The following SLC14A2 variants were observed in gnomAD, a reference collection of about 807,000 sequenced individuals.
SLC14A2 encodes solute carrier family 14 member 2.
In SLC14A2, 91 loss-of-function variants were observed where a neutral mutation model predicts 104.6. The observed-to-expected ratio is 0.87, with a 90% CI of 0.73 to 1.04. The LOEUF (loss-of-function observed/expected upper bound fraction) is 1.04. Among genes scored for constraint, SLC14A2 ranks in the 50% least tolerant of loss-of-function variants. SLC14A2 has a pLI of 0.00. For missense variants in SLC14A2, 1,189 were observed against 1,156.0 expected, an observed-to-expected ratio of 1.03 and a Z score of -0.41; for synonymous variants, 476 against 466.4, an observed-to-expected ratio of 1.02 and a Z score of -0.27.
the SLC14A2 span, among the ~76,000 whole-genome samples, chr18:45,193,625 A>G: frequency 4.0e-3 from 608 of 152,294 alleles, 3 homozygotes; most frequent in African/African-American, 0.014. Context: ...GCTTTATAAT[A>G]TACCTTGAAA....
At position 45,554,322 on chromosome 18, in the gene SLC14A2, A is replaced by G. The variant is rs372523669; in HGVS notation, c.-34-70309A>G. 5.3e-5 allele frequency among the ~76,000 whole-genome samples: 8 copies of G among 152,354 alleles called. No individual in the cohort carries two copies. In the East Asian group the frequency reaches 7.7e-4, roughly 15 times the overall value. ...GGAAGAAGGGGGAAAGCAACCGATC[A>G]ATTTACAAAGATCCTGTTTCTCTGC... On this transcript the variant is annotated intron_variant, in intron 2 of 20. Transcript: ENST00000586448.
intron 1 of SLC14A2, among the ~76,000 whole-genome samples, chr18:45,324,205 C>T (rs2085212252): frequency 6.6e-6 from 1 of 152,114 alleles, no homozygotes; most frequent in East Asian, 1.9e-4. Flanking sequence ...TGTTAAGGAT[C>T]CTCAGTAGTG....
At chr18:45,518,110 T>A (rs1316023033) in intron 2 of SLC14A2, among the ~76,000 whole-genome samples, 1 of 152,182 alleles carries the variant, frequency 6.6e-6, no homozygotes, top group Non-Finnish European at 1.5e-5. Context: ...AGGATATATA[T>A]TTCCCAATTG....
chr18:45,328,446 T>C lies in SLC14A2; in HGVS notation c.-125+115255T>C, dbSNP rs1253021118. Among the ~76,000 whole-genome samples the C allele has an allele frequency of 2.0e-5, 3 of 152,190 alleles. No homozygotes were observed. In the East Asian group the frequency reaches 5.8e-4, roughly 29 times the overall value. On this transcript the variant is annotated intron_variant, in intron 1 of 20. Transcript: ENST00000586448. ...TGTCACAGCATTTTCAGGGTTTCAGTTGCACTGAGGTTATGCCCTGAGACA... is the reference window on the plus strand; with the variant it reads ...TGTCACAGCATTTTCAGGGTTTCAGCTGCACTGAGGTTATGCCCTGAGACA...
At position 45,526,305 on chromosome 18, in the gene SLC14A2, G is replaced by A. The variant is rs755023562; in HGVS notation, c.-35+42983G>A. Among the ~76,000 whole-genome samples, 133 of 152,224 alleles carry A rather than the reference G, an allele frequency of 8.7e-4. 1 individual carries two copies. Among genetic ancestry groups the A allele is most frequent in the Middle Eastern group, 3.4e-3 (1 of 294 alleles). On this transcript the variant is annotated intron_variant, in intron 2 of 20. Coordinates refer to the SLC14A2 transcript ENST00000586448. ...GATCTGAGAGAACCTTGTGTGATAC[G>A]GCCAGAAGTCACTGTCAGGATGCCT... is the stretch of plus-strand genomic sequence containing the variant.
chr18:45,190,646 T>C, the SLC14A2 span, among the ~76,000 whole-genome samples: 1,400 of 152,288 alleles, frequency 9.2e-3, 31 homozygotes, highest in African/African-American at 0.032. Flanking sequence ...AGTGATTCAG[T>C]TCAGTGAGAA....
intron 2 of SLC14A2, among the ~76,000 whole-genome samples, chr18:45,488,546 G>T (rs911947667): frequency 6.6e-6 from 1 of 152,180 alleles, no homozygotes. Context: ...AGAACTTAGT[G>T]GGGAAAAGGG....
At chr18:45,489,982 G>T (rs925748791) in intron 2 of SLC14A2, 5 of 152,182 alleles carry the variant, frequency 3.3e-5, no homozygotes, top group African/African-American at 1.2e-4. Context: ...TAGGGGACTT[G>T]CACAAGAATA....
intron 2 of SLC14A2, among the ~76,000 whole-genome samples, chr18:45,510,612 C>T (rs955659572): frequency 6.6e-6 from 1 of 152,080 alleles, no homozygotes; most frequent in Non-Finnish European, 1.5e-5. Flanking sequence ...AGCCAATGCC[C>T]CACCCAGAGG....
chr18:45,269,927 G>A (rs2084633169), intron 1 of SLC14A2, among the ~76,000 whole-genome samples: 1 of 152,160 alleles, frequency 6.6e-6, no homozygotes, highest in South Asian at 2.1e-4. Context: ...TTAGTTCTCA[G>A]CATTTCTATT....
chr18:45,263,895 A>G (rs1165151452), intron 1 of SLC14A2, among the ~76,000 whole-genome samples: 1 of 152,182 alleles, frequency 6.6e-6, no homozygotes, highest in African/African-American at 2.4e-5. Flanking sequence ...CCAATGAACG[A>G]GGTCTCCTTT....
chr18:45,529,027 A>G (rs1400289324), intron 2 of SLC14A2: 3 of 152,416 alleles, frequency 2.0e-5, no homozygotes, highest in East Asian at 3.9e-4. Context: ...GAGAGGCCAC[A>G]TGGAGTAAAA....
chr18:45,494,587 C>T lies in SLC14A2; in HGVS notation c.-35+11265C>T, dbSNP rs7226561. Among the ~76,000 whole-genome samples, 395 of 151,548 alleles carry T rather than the reference C, an allele frequency of 2.6e-3. 3 individuals are homozygous for T. The highest frequency in any genetic ancestry group is 9.2e-3 in the African/African-American group (378 of 41,288). ...AAAAAAATTTTTTTTTTTTAAATAG[C>T]GACAGGGTCTCACCATGTTGGCCAG... On this transcript the variant is annotated intron_variant, in intron 2 of 20. Coordinates refer to the SLC14A2 transcript ENST00000586448.
In SLC14A2 at chr18:45,523,626, C is replaced by T. The variant is rs1041229076; in HGVS notation, c.-35+40304C>T. On this transcript the variant is annotated intron_variant, in intron 2 of 20. Transcript: ENST00000586448. ...CTGGGATTACAGGTGTGAGCCACCA[C>T]ACCCAGCCACTAGTTATCATTCTTT... Among the ~76,000 whole-genome samples, 8 of 151,824 alleles carry T rather than the reference C, an allele frequency of 5.3e-5. No individual in the cohort carries two copies. In the East Asian group the frequency reaches 1.4e-3, roughly 26 times the overall value.
At chr18:45,492,957 A>C (rs62093092) in intron 2 of SLC14A2, 1 of 152,042 alleles carries the variant, frequency 6.6e-6, no homozygotes, top group Non-Finnish European at 1.5e-5. Flanking sequence ...TACTGCAGGG[A>C]TTTGGGTCTT....
chr18:45,181,247 C>T, the SLC14A2 span: 1 of 152,294 alleles, frequency 6.6e-6, no homozygotes, highest in Non-Finnish European at 1.5e-5. Flanking sequence ...GGACTCTCTT[C>T]GTCTTGCTTT....
rs547042016 is a variant in SLC14A2 at position 45,254,786 on chromosome 18, C to G, written c.-125+41595C>G. On this transcript the variant is annotated intron_variant, in intron 1 of 20. Coordinates refer to the SLC14A2 transcript ENST00000586448. ...TGACCTGGGTTTCCGTTTGCAGCAG[C>G]CTGGAGGGGGCCACGTTCTTCCTGC... 9.2e-5 allele frequency among the ~76,000 whole-genome samples: 14 copies of G among 152,216 alleles called. No homozygotes were observed. In the South Asian group the frequency reaches 1.5e-3, roughly 16 times the overall value.
rs1469300442 is a variant in SLC14A2 at position 45,665,812 on chromosome 18, T to TC, written c.1475-324dup. Among the ~76,000 whole-genome samples the TC allele has an allele frequency of 2.1e-5, 3 of 144,088 alleles. 1 individual carries two copies. The highest frequency in any genetic ancestry group is 4.5e-5 in the Non-Finnish European group (3 of 66,386). 94.5% of individuals were successfully genotyped at this position (144,088 alleles called of 152,430 possible). The stretch of plus-strand genomic sequence containing the variant: ...GTCTCTCCAGGCTGCTGTTTCCTCA[T>TC]CTAAAAAATTATCAAGGTTGAGCTA... On this transcript the variant is annotated intron_variant, in intron 11 of 19. Coordinates refer to ENST00000255226, the MANE Select transcript of SLC14A2 (RefSeq NM_007163.4).
chr18:45,627,419 G>C (rs1317567672), intron 4 of SLC14A2, among the ~76,000 whole-genome samples: 2 of 152,182 alleles, frequency 1.3e-5, no homozygotes, highest in Admixed American at 6.5e-5. Flanking sequence ...CCCTCACAGA[G>C]CCTACCATCT....
Sources: gnomAD v4.1 joint callset for allele counts (sites outside exome capture counted in the v4.1 genomes callset) on GRCh38, gnomAD v4.1.1 for gene constraint, MANE v1.5 for transcripts, NCBI Gene and HGNC (gene_info 2026-07-23, HGNC 2026-07-21) for gene names.